Variants in KDM2B observed in about 807,000 individuals in gnomAD.
KDM2B encodes lysine-specific demethylase 2B.
In KDM2B, 26 loss-of-function variants were observed where a neutral mutation model predicts 150.0. The observed-to-expected ratio is 0.17, with a 90% CI of 0.13 to 0.24. The LOEUF (loss-of-function observed/expected upper bound fraction) is 0.24, where lower values mean the gene tolerates loss of function less well. Ranked by LOEUF, KDM2B falls within the 10% of genes least tolerant of loss-of-function variation. KDM2B has a pLI of 1.00. For synonymous variants in KDM2B, 734 were observed against 729.5 expected (o/e 1.01, Z -0.10); for missense variants, 1,265 against 1,816.9 (o/e 0.70, Z 5.52).
rs1555291735 is a variant in KDM2B, at chr12:121,452,083, A to G, written c.1959+1037T>C. On this transcript the variant is annotated intron_variant, in intron 13 of 22. Transcript: ENST00000377071. This position sits in a 1 kb window ranked among gnomAD's most constrained non-coding sequence, Gnocchi z 4.4. Reference sequence around the variant, plus strand: ...CCAATTACTGCATAATTCCACTTCTATGAGGTCCCGAGAGGAGTCAAGCTC... The same window carrying G: ...CCAATTACTGCATAATTCCACTTCTGTGAGGTCCCGAGAGGAGTCAAGCTC... 6.6e-6 allele frequency among the ~76,000 whole-genome samples: 1 copy of G among 152,108 alleles called. No homozygotes were observed. Among genetic ancestry groups the G allele is most frequent in the East Asian group, 1.9e-4 (1 of 5,198 alleles).
intron 4 of KDM2B, among the ~76,000 whole-genome samples, chr12:121,562,619 C>T (rs933269444): frequency 6.6e-6 from 1 of 151,186 alleles, no homozygotes; most frequent in Non-Finnish European, 1.5e-5. Flanking sequence ...CATACAGACA[C>T]CCAGTAAATC....
chr12:121,490,475 G>A (rs993842773), intron 12 of KDM2B, among the ~76,000 whole-genome samples: 32 of 152,288 alleles, frequency 2.1e-4, no homozygotes, highest in South Asian at 8.3e-4. Context: ...TGGGTCCTCC[G>A]TCCTTCCTCA....
rs568277947 is a variant in KDM2B at position 121,441,731 on chromosome 12, C to G, written c.3284+426G>C. Among the ~76,000 whole-genome samples the G allele has an allele frequency of 8.0e-4, 122 of 152,320 alleles. 4 individuals are homozygous for G. In the South Asian group the frequency reaches 0.024, roughly 31 times the overall value. On this transcript the variant is annotated intron_variant, in intron 19 of 22. Transcript: ENST00000377071. ...ATGAGCCACTGCGCCCGGCCTCCATCAAGTATTTACCATGGGCTTTACAAC... is the reference window on the plus strand; with the variant it reads ...ATGAGCCACTGCGCCCGGCCTCCATGAAGTATTTACCATGGGCTTTACAAC...
chr12:121,517,048 G>A (rs1275703900), intron 9 of KDM2B, among the ~76,000 whole-genome samples: 2 of 152,040 alleles, frequency 1.3e-5, no homozygotes. Flanking sequence ...GGGGGGGAAA[G>A]ATAAATAAAA....
intron 1 of KDM2B, 107 bp downstream of exon 1, chr12:121,580,679 C>G (rs975634670): frequency 4.9e-6 from 7 of 1,433,282 alleles, no homozygotes; most frequent in Admixed American, 2.2e-5. Context: ...CGTGAAAGCC[C>G]CCGGGGCCTG....
Position 121,575,700 on chromosome 12 carries a change from G to C in KDM2B, c.350+81C>G, listed in dbSNP as rs1163280450. Reference sequence around the variant, plus strand: ...TTCTCAGTGATGAGAGGTGGGAAGAGGGTGGAAGAAATCCATCCCAAGCTA... The same window carrying C: ...TTCTCAGTGATGAGAGGTGGGAAGACGGTGGAAGAAATCCATCCCAAGCTA... On this transcript the variant is annotated intron_variant, in intron 3 of 22. Transcript: ENST00000377071. The surrounding 1 kb of genome is among the most constrained non-coding windows in gnomAD (Gnocchi z 4.4). The C allele has an allele frequency of 4.1e-6, 4 of 984,166 alleles. No individual in the cohort carries two copies. The highest frequency in any genetic ancestry group is 6.6e-6 in the Non-Finnish European group (4 of 607,338). The allele number at this position is 984,166 out of a possible 1,614,324, so 61.0% of individuals were successfully genotyped here. A position where few individuals can be genotyped will look rare whatever the true frequency, so the allele number is the denominator to read the frequency against.
At chr12:121,472,108 G>C (rs1880832324) in intron 12 of KDM2B, among the ~76,000 whole-genome samples, 1 of 152,164 alleles carries the variant, frequency 6.6e-6, no homozygotes, top group Non-Finnish European at 1.5e-5. Context: ...GGGCAACAGA[G>C]CAACACCCTG....
rs376162068 is a variant in KDM2B, at chr12:121,443,805, T to C, written c.2452-12A>G. ...TGAAGCGATGAGGCCTAAAGGGGGG[T>C]GGAGTGGGAAGAGGAGTGACTCGCT... On this transcript the variant is annotated splice_polypyrimidine_tract_variant and intron_variant, in intron 16 of 22. Coordinates refer to ENST00000377071, the MANE Select transcript of KDM2B (RefSeq NM_032590.5). 37 of 1,524,274 alleles carry C rather than the reference T, an allele frequency of 2.4e-5. No individual in the cohort carries two copies. The African/African-American group carries it at 4.9e-4, about 20-fold the overall frequency. 94.4% of individuals were successfully genotyped at this position (1,524,274 alleles called of 1,614,324 possible). A position where few individuals can be genotyped will look rare whatever the true frequency, so the allele number is the denominator to read the frequency against.
rs941294079 is a variant in KDM2B at position 121,438,298 on chromosome 12, A to T, written c.3829+1559T>A. 2.3e-4 allele frequency among the ~76,000 whole-genome samples: 35 copies of T among 152,200 alleles called. 1 individual carries two copies. The highest frequency in any genetic ancestry group is 4.2e-4 in the South Asian group (2 of 4,810). On this transcript the variant is annotated intron_variant, in intron 22 of 22. Coordinates refer to ENST00000377071, the MANE Select transcript of KDM2B (RefSeq NM_032590.5). Reference sequence around the variant, plus strand: ...TGCAGAGAGCTGTATGCACTGAGATAAAAAGATGACCTCAATTTATCATGC... The same window carrying T: ...TGCAGAGAGCTGTATGCACTGAGATTAAAAGATGACCTCAATTTATCATGC...
At chr12:121,558,133 GT>G (rs1346655459) in intron 4 of KDM2B, among the ~76,000 whole-genome samples, 7 of 152,238 alleles carry the variant, frequency 4.6e-5, no homozygotes, top group Non-Finnish European at 8.8e-5. Flanking sequence ...AGGCTTGCCT[GT>G]CTTGATCGCT....
At position 121,537,789 on chromosome 12, in the gene KDM2B, C is replaced by T. The variant is rs1242992441; in HGVS notation, c.684-3199G>A. Among the ~76,000 whole-genome samples, 4 of 151,928 alleles carry T rather than the reference C, an allele frequency of 2.6e-5. No homozygotes were observed. Among genetic ancestry groups the T allele is most frequent in the African/African-American group, 9.7e-5 (4 of 41,396 alleles). ...CGCGCCGCACACTCGCACCCGACCC[C>T]GGGAGACACAAAGAGCGGCTCCGCG... On this transcript the variant is annotated intron_variant, in intron 6 of 22. Coordinates refer to ENST00000377071, the MANE Select transcript of KDM2B (RefSeq NM_032590.5). This position sits in a 1 kb window ranked among gnomAD's most constrained non-coding sequence, Gnocchi z 8.7.
intron 12 of KDM2B, among the ~76,000 whole-genome samples, chr12:121,457,270 CTTTTT>C (rs1184274416): frequency 6.6e-6 from 1 of 150,588 alleles, no homozygotes; most frequent in Non-Finnish European, 1.5e-5. Flanking sequence ...CTTTTCTTTT[CTTTTT>C]TTTTGAGATA....
chr12:121,529,406 C>T (rs1476174393), intron 8 of KDM2B, among the ~76,000 whole-genome samples: 1 of 152,122 alleles, frequency 6.6e-6, no homozygotes, highest in Non-Finnish European at 1.5e-5. Flanking sequence ...TGCCTAAGGT[C>T]ACACTGTGGC....
At chr12:121,550,395 C>T (rs1417911606) in intron 4 of KDM2B, among the ~76,000 whole-genome samples, 1 of 152,122 alleles carries the variant, frequency 6.6e-6, no homozygotes, top group South Asian at 2.1e-4. Flanking sequence ...TTCTTCACAG[C>T]CACCTCAACA....
Position 121,580,937 on chromosome 12 carries a change from G to C in KDM2B, c.-26C>G. ...GTGGAGGAGGCATTTGGGGGGCTCA[G>C]AAGGAAATTAGCTCGGCTTCCATAC... is the stretch of plus-strand genomic sequence containing the variant. On this transcript the variant is annotated 5_prime_UTR_variant, in exon 1 of 23. Coordinates refer to ENST00000377071, the MANE Select transcript of KDM2B (RefSeq NM_032590.5). 1.2e-6 allele frequency: 2 copies of C among 1,611,102 alleles called. No individual in the cohort carries two copies. The highest frequency in any genetic ancestry group is 1.7e-6 in the Non-Finnish European group (2 of 1,179,022).
At chr12:121,499,957 AT>A (rs1451451850) in intron 11 of KDM2B, among the ~76,000 whole-genome samples, 3 of 151,720 alleles carry the variant, frequency 2.0e-5, no homozygotes, top group Non-Finnish European at 4.4e-5. Flanking sequence ...TCAAAAAAAA[AT>A]AATTATTTAA....
chr12:121,574,378 C>T, intron 4 of KDM2B, 169 bp downstream of exon 4: 1 of 600,616 alleles, frequency 1.7e-6, no homozygotes, highest in Non-Finnish European at 2.9e-6. Context: ...GACTGCAACC[C>T]TACCTGTTCT....
At chr12:121,566,881 G>GT (rs1223389591) in intron 4 of KDM2B, among the ~76,000 whole-genome samples, 6 of 151,214 alleles carry the variant, frequency 4.0e-5, no homozygotes, top group Non-Finnish European at 5.9e-5. Flanking sequence ...CAAAGTGGGA[G>GT]TTTTTTTTTC....
chr12:121,519,788 C>T (rs918417323), intron 9 of KDM2B, among the ~76,000 whole-genome samples: 1 of 152,098 alleles, frequency 6.6e-6, no homozygotes, highest in African/African-American at 2.4e-5. Context: ...TGAATTATAT[C>T]TCAATTTAAA....
Sources: allele counts gnomAD v4.1 joint callset (sites outside exome capture counted in the v4.1 genomes callset), GRCh38; gene constraint gnomAD v4.1.1; non-coding constraint Gnocchi (gnomAD v3.1); transcripts MANE v1.5; gene names NCBI Gene and HGNC (gene_info 2026-07-23, HGNC 2026-07-21).